The following UNKL variants were observed in gnomAD, a reference collection of about 807,000 sequenced individuals.
UNKL encodes the protein putative E3 ubiquitin-protein ligase UNKL.
UNKL carries 60 observed loss-of-function variants against 78.0 expected under a neutral mutation model. The ratio of observed to expected loss-of-function variants is 0.77; its 90% confidence interval spans 0.63 to 0.95. The LOEUF (loss-of-function observed/expected upper bound fraction) is 0.95. Ranked by LOEUF, UNKL falls within the 40% of genes least tolerant of loss-of-function variation. The pLI, the probability that UNKL is intolerant of heterozygous loss-of-function variation, is 0.00. For missense variants in UNKL, 1,159 were observed against 1,045.7 expected, an observed-to-expected ratio of 1.11 and a Z score of -1.49; for synonymous variants, 608 against 474.8, an observed-to-expected ratio of 1.28 and a Z score of -3.65.
intron 6 of UNKL, chr16:1,396,956 C>A (rs1236723710): frequency 1.8e-6 from 1 of 562,832 alleles, no homozygotes; most frequent in Non-Finnish European, 3.2e-6. Flanking sequence ...CTGTTACAGG[C>A]CAAGTGGAGA....
intron 7 of UNKL, among the ~76,000 whole-genome samples, chr16:1,393,521 C>A (rs2037136596): frequency 6.6e-6 from 1 of 152,220 alleles, no homozygotes; most frequent in Admixed American, 6.5e-5. Flanking sequence ...GTGGAGGAGG[C>A]CGCGTGGGTT....
At position 1,394,170 on chromosome 16, in the gene UNKL, A is replaced by G; in HGVS notation, c.898T>C (p.Cys300Arg). The G allele has an allele frequency of 6.4e-7, 1 of 1,550,770 alleles. No homozygotes were observed. ...KCNDMRQTGYCPRGPFCAFAH... is the reference protein window; with the variant it reads ...KCNDMRQTGYRPRGPFCAFAH... ...AAGGCACAGAAGGGGCCGCGCGGGC[A>G]GTACCCGGTTTGGCGCATGTCGTTG... Residue 300 changes from cysteine (C) to arginine (R), a missense_variant, in exon 7 of 15, where the codon TGC becomes CGC. By Grantham distance (180) the Cys-to-Arg change is radical (BLOSUM62 -3). Transcript: ENST00000389221.
intron 2 of UNKL, chr16:1,405,781 T>G: frequency 2.9e-6 from 1 of 350,282 alleles, no homozygotes; most frequent in East Asian, 7.6e-5. Context: ...GCCACGTGAT[T>G]ACACCCAGCA....
In UNKL at chr16:1,408,274, C is replaced by T. The variant is rs185851937; in HGVS notation, c.288-4930G>A. Among the ~76,000 whole-genome samples the T allele has an allele frequency of 8.4e-3, 1,269 of 151,606 alleles. 20 individuals carry two copies. The highest frequency in any genetic ancestry group is 0.027 in the African/African-American group (1,131 of 41,320). On this transcript the variant is annotated intron_variant, in intron 2 of 14. Transcript: ENST00000389221. ...ACATGGGAGCTGCCCCCCCCCCCAA[C>T]GACCAGGACGGTTCCCACGGGGGCG...
chr16:1,385,423 T>A, intron 9 of UNKL, 38 bp from the exon 10 acceptor site: 1 of 1,293,310 alleles, frequency 7.7e-7, no homozygotes, highest in Non-Finnish European at 9.8e-7. Context: ...GCGCACCCCC[T>A]GCGTGGAGGA....
chr16:1,386,662 G>C (rs937202496), intron 9 of UNKL, among the ~76,000 whole-genome samples: 1 of 152,166 alleles, frequency 6.6e-6, no homozygotes, highest in African/African-American at 2.4e-5. Context: ...GATTTTACTA[G>C]TTTGTCTCCT....
chr16:1,378,599 C>T (rs1051401994), intron 10 of UNKL, among the ~76,000 whole-genome samples: 13 of 152,226 alleles, frequency 8.5e-5, no homozygotes, highest in African/African-American at 3.1e-4. Context: ...GCCTTCAATG[C>T]TCACCCGACA....
intron 10 of UNKL, among the ~76,000 whole-genome samples, chr16:1,383,164 C>G (rs1257807933): frequency 1.3e-5 from 2 of 149,264 alleles, no homozygotes; most frequent in African/African-American, 2.5e-5. Flanking sequence ...CCCAGCTACT[C>G]TGGAGGCTGA....
chr16:1,395,165 A>ATTTT (rs35706255), intron 6 of UNKL, among the ~76,000 whole-genome samples: 1 of 105,536 alleles, frequency 9.5e-6, no homozygotes, highest in Non-Finnish European at 1.9e-5. Context: ...CGGTCTGTTC[A>ATTTT]TTTTTTTTTT....
chr16:1,392,994 C>A lies in UNKL; in HGVS notation c.938-18G>T. ...CAGGCTCTCTGCAAGGACAGGGGAG[C>A]AGCAGACTCTGAGGGCCGCTGGTGG... On this transcript the variant is annotated intron_variant, in intron 7 of 14. Transcript: ENST00000389221. 1.3e-6 allele frequency: 2 copies of A among 1,550,060 alleles called. No homozygotes were observed. Among genetic ancestry groups the A allele is most frequent in the Non-Finnish European group, 1.7e-6 (2 of 1,146,660 alleles).
chr16:1,372,716 G>A (rs1054168924), intron 10 of UNKL, among the ~76,000 whole-genome samples: 1 of 152,216 alleles, frequency 6.6e-6, no homozygotes, highest in Non-Finnish European at 1.5e-5. Flanking sequence ...GCAGACCAGA[G>A]GACCGCAGCG....
At chr16:1,393,902 A>G (rs1258423624) in intron 7 of UNKL, among the ~76,000 whole-genome samples, 1 of 152,032 alleles carries the variant, frequency 6.6e-6, no homozygotes, top group African/African-American at 2.4e-5. Flanking sequence ...TGCAGATTCC[A>G]CCAGGCCTGG....
intron 9 of UNKL, among the ~76,000 whole-genome samples, chr16:1,385,894 G>A (rs938707256): frequency 2.0e-5 from 3 of 152,248 alleles, no homozygotes; most frequent in Non-Finnish European, 2.9e-5. Flanking sequence ...CATCCATAGC[G>A]TGGTCCTGTG....
Position 1,382,489 on chromosome 16 carries a change from C to T in UNKL, c.1264+2719G>A, listed in dbSNP as rs112427730. Among the ~76,000 whole-genome samples, 905 of 152,274 alleles carry T rather than the reference C, an allele frequency of 5.9e-3. 10 individuals carry two copies. Among genetic ancestry groups the T allele is most frequent in the African/African-American group, 0.021 (871 of 41,554 alleles). On this transcript the variant is annotated intron_variant, in intron 10 of 14. Coordinates refer to ENST00000389221, the MANE Select transcript of UNKL (RefSeq NM_001372107.1). ...GCCCCGACCAAGCCCCACCACTGGGCGCTGGGTCCATCCAGGATTCCCACT... is the reference window on the plus strand; with the variant it reads ...GCCCCGACCAAGCCCCACCACTGGGTGCTGGGTCCATCCAGGATTCCCACT...
intron 9 of UNKL, among the ~76,000 whole-genome samples, chr16:1,386,757 G>C (rs937096495): frequency 2.0e-5 from 3 of 152,056 alleles, no homozygotes; most frequent in African/African-American, 4.8e-5. Flanking sequence ...CCTGGCTCCT[G>C]GCTTCTGTGA....
Position 1,367,786 on chromosome 16 carries a change from A to T in UNKL, c.1658T>A (p.Leu553Gln). The T allele has an allele frequency of 6.4e-7, 1 of 1,567,990 alleles. No individual in the cohort carries two copies. Among genetic ancestry groups the T allele is most frequent in the South Asian group, 1.2e-5 (1 of 85,452 alleles). Reference sequence around the variant, plus strand: ...CGAAGAGGATGGGGGGCCGGCACTCAGGATGGGGGAGGGGCTGGGGGAGAA... The same window carrying T: ...CGAAGAGGATGGGGGGCCGGCACTCTGGATGGGGGAGGGGCTGGGGGAGAA... Reference protein sequence around the residue: ...GSFSPSPSPILSAGPPSSSSA... With the variant: ...GSFSPSPSPIQSAGPPSSSSA... Residue 553 changes from leucine to glutamine, a missense_variant, in exon 13 of 15, where the codon CTG (leucine) becomes CAG (glutamine). Coordinates refer to ENST00000389221, the MANE Select transcript of UNKL (RefSeq NM_001372107.1).
chr16:1,394,326 AC>A, intron 6 of UNKL, 111 bp from the exon 7 acceptor site: 2 of 1,324,002 alleles, frequency 1.5e-6, no homozygotes, highest in Admixed American at 2.0e-5. Flanking sequence ...GTAACAAGAC[AC>A]CCCTGAAAAG....
Position 1,367,876 on chromosome 16 carries a change from G to A in UNKL, c.1586-18C>T, listed in dbSNP as rs768587912. On this transcript the variant is annotated intron_variant, in intron 12 of 14. Coordinates refer to ENST00000389221, the MANE Select transcript of UNKL (RefSeq NM_001372107.1). ...GTTCAAACCTGAGTGTGAAACGGTC[G>A]ATGACGGCCCAGCCCTGCTGTGCTC... 32 of 1,543,350 alleles carry A rather than the reference G, an allele frequency of 2.1e-5. No individual in the cohort carries two copies. Among genetic ancestry groups the A allele is most frequent in the East Asian group, 1.7e-4 (7 of 41,146 alleles).
chr16:1,366,162 G>C lies in UNKL; in HGVS notation c.*78C>G. Reference sequence around the variant, plus strand: ...GGTCCTCACGTCGGTGGCACCAGAAGCGAGTGACGACATGTCCGTGGTCAG... The same window carrying C: ...GGTCCTCACGTCGGTGGCACCAGAACCGAGTGACGACATGTCCGTGGTCAG... On this transcript the variant is annotated 3_prime_UTR_variant, in exon 15 of 15. Transcript: ENST00000389221. The C allele has an allele frequency of 1.4e-6, 2 of 1,398,448 alleles. No homozygotes were observed. The allele number at this position is 1,398,448 out of a possible 1,614,324, so 86.6% of individuals were successfully genotyped here.
Sources: gnomAD v4.1 joint callset for allele counts (sites outside exome capture counted in the v4.1 genomes callset) on GRCh38, gnomAD v4.1.1 for gene constraint, MANE v1.5 for transcripts, NCBI Gene and HGNC (gene_info 2026-07-23, HGNC 2026-07-21) for gene names.